Variants in TOR4A observed in about 807,000 individuals in gnomAD.
TOR4A encodes torsin family 4 member A, also known as torsin-4A.
TOR4A carries 12 observed loss-of-function variants against 11.5 expected under a neutral mutation model. That is an observed-to-expected ratio of 1.04 (90% CI 0.67 to 1.69). TOR4A has a LOEUF of 1.69. Ranked by LOEUF, TOR4A falls within the 40% of genes most tolerant of loss-of-function variation. The pLI, the probability that TOR4A is intolerant of heterozygous loss-of-function variation, is 0.00. For missense variants in TOR4A, 640 were observed against 643.2 expected (o/e 0.99, Z 0.05); for synonymous variants, 362 against 307.4 (o/e 1.18, Z -1.86).
chr9:137,279,080 G>C lies in TOR4A; in HGVS notation c.391G>C (p.Gly131Arg). 6.2e-7 allele frequency: 1 copy of C among 1,603,580 alleles called. No individual in the cohort carries two copies. Among genetic ancestry groups the C allele is most frequent in the Non-Finnish European group, 8.5e-7 (1 of 1,175,558 alleles). ...CCTTCTGCTGCTAGTCGCCATCGTG[G>C]GCTTCCAAGTTCTCAACGCTATCGA... The part of the protein sequence containing the change: ...RCLLLLVAIV[G>R]FQVLNAIENL... Residue 131 changes from glycine to arginine, a missense_variant, in exon 2 of 2, where the codon GGC becomes CGC. Physicochemically the swap from Gly to Arg is moderately radical, Grantham distance 125. Coordinates refer to ENST00000357503, the MANE Select transcript of TOR4A (RefSeq NM_017723.3).
chr9:137,279,366 C>A lies in TOR4A; in HGVS notation c.677C>A (p.Ala226Glu), dbSNP rs1830686643. ...EDSALVLQYH[A>E]RHHCPEARAA... The stretch of plus-strand genomic sequence containing the variant: ...AGCGCGCTCGTGCTGCAATACCATG[C>A]GCGGCACCACTGCCCCGAGGCGCGC... The change falls in exon 2 of 2, where the codon GCG (alanine) becomes GAG (glutamate). Residue 226 changes from alanine (A) to glutamate (E), a missense_variant. Physicochemically the swap from Ala to Glu is moderately radical, Grantham distance 107. Transcript: ENST00000357503. 2 of 1,525,608 alleles carry A rather than the reference C, an allele frequency of 1.3e-6. No individual in the cohort carries two copies. Among genetic ancestry groups the A allele is most frequent in the African/African-American group, 1.4e-5 (1 of 72,522 alleles). 94.5% of individuals were successfully genotyped at this position (1,525,608 alleles called of 1,614,324 possible). A position where few individuals can be genotyped will look rare whatever the true frequency, so the allele number is the denominator to read the frequency against.
In TOR4A at chr9:137,278,824, G is replaced by A. The variant is rs1410040732; in HGVS notation, c.135G>A (p.Leu45=). ...GTGTCCTACGCAAACGGCGCCTCCTGCAGCCGGGTGGGGGGCCCGACGTCG... is the reference window on the plus strand; with the variant it reads ...GTGTCCTACGCAAACGGCGCCTCCTACAGCCGGGTGGGGGGCCCGACGTCG... ...RVCVLRKRRL[L]QPGGGPDVGT... The change falls in exon 2 of 2, where the codon CTG becomes CTA. Residue 45 remains leucine, a synonymous_variant. Transcript: ENST00000357503. 8.1e-6 allele frequency: 12 copies of A among 1,487,072 alleles called. No individual in the cohort carries two copies. The highest frequency in any genetic ancestry group is 7.1e-5 in the African/African-American group (5 of 69,950). The allele number at this position is 1,487,072 out of a possible 1,614,324, so 92.1% of individuals were successfully genotyped here. A position where few individuals can be genotyped will look rare whatever the true frequency, so the allele number is the denominator to read the frequency against.
At chr9:137,278,555 C>A in intron 1 of TOR4A, 98 bp from the exon 2 acceptor site, 1 of 888,342 alleles carries the variant, frequency 1.1e-6, no homozygotes, top group Non-Finnish European at 1.5e-6. Flanking sequence ...CCCCACGGGA[C>A]TCCCAGGGGG....
Position 137,281,626 on chromosome 9 carries a change from C to T in TOR4A, c.*1665C>T, listed in dbSNP as rs1347413959. 15 of 156,682 alleles carry T rather than the reference C, an allele frequency of 9.6e-5. No homozygotes were observed. The highest frequency in any genetic ancestry group is 6.6e-5 in the Admixed American group (1 of 15,192). 9.7% of individuals were successfully genotyped at this position (156,682 alleles called of 1,614,324 possible). On this transcript the variant is annotated 3_prime_UTR_variant, in exon 2 of 2. Coordinates refer to ENST00000357503, the MANE Select transcript of TOR4A (RefSeq NM_017723.3). ...CGGCGCGCAGGTCCTGGGCCCAGGG[C>T]GGGAGCGCTAGCGAGAGGGCTGCCC... is the stretch of plus-strand genomic sequence containing the variant.
At position 137,280,260 on chromosome 9, in the gene TOR4A, A is replaced by G. The variant is rs909655983; in HGVS notation, c.*299A>G. 4.1e-6 allele frequency: 2 copies of G among 490,060 alleles called. No homozygotes were observed. Among genetic ancestry groups the G allele is most frequent in the Non-Finnish European group, 7.5e-6 (2 of 265,500 alleles). The allele number at this position is 490,060 out of a possible 1,614,324, so 30.4% of individuals were successfully genotyped here. A position where few individuals can be genotyped will look rare whatever the true frequency, so the allele number is the denominator to read the frequency against. Reference sequence around the variant, plus strand: ...GCCCCAAGAGGTGGGTTCCCATGGTACAAGGATGATCTCAGGGCCAACAAT... The same window carrying G: ...GCCCCAAGAGGTGGGTTCCCATGGTGCAAGGATGATCTCAGGGCCAACAAT... On this transcript the variant is annotated 3_prime_UTR_variant, in exon 2 of 2. Coordinates refer to ENST00000357503, the MANE Select transcript of TOR4A (RefSeq NM_017723.3).
rs1282922170 is a variant in TOR4A, at chr9:137,279,693, A to G, written c.1004A>G (p.Gln335Arg). ...GFRSAEAAAAQAEEDLRASLL... is the reference protein window; with the variant it reads ...GFRSAEAAAARAEEDLRASLL... ...CGCAGTGCCGAGGCCGCAGCGGCGC[A>G]GGCGGAAGAAGACCTGCGCGCCAGC... The change falls in exon 2 of 2, where the codon CAG (glutamine) becomes CGG (arginine). Residue 335 changes from glutamine to arginine, a missense_variant. Gln to Arg is a conservative substitution (Grantham distance 43). Transcript: ENST00000357503. 1.9e-6 allele frequency: 3 copies of G among 1,569,392 alleles called. No individual in the cohort carries two copies. The highest frequency in any genetic ancestry group is 2.6e-6 in the Non-Finnish European group (3 of 1,163,370).
In TOR4A at chr9:137,278,882, C is replaced by T; in HGVS notation, c.193C>T (p.Arg65Trp). 1 of 1,543,448 alleles carries T rather than the reference C, an allele frequency of 6.5e-7. No homozygotes were observed. The change falls in exon 2 of 2, where the codon CGG becomes TGG. Residue 65 changes from arginine to tryptophan, a missense_variant. By Grantham distance (101) the Arg-to-Trp change is moderately radical. Coordinates refer to ENST00000357503, the MANE Select transcript of TOR4A (RefSeq NM_017723.3). Reference sequence around the variant, plus strand: ...GGCGCCCAGGCCGGGCTGCAGCCCCCGGGCACCGCGCGCGGACCTGGACCA... The same window carrying T: ...GGCGCCCAGGCCGGGCTGCAGCCCCTGGGCACCGCGCGCGGACCTGGACCA... ...TGAPRPGCSPRAPRADLDQPK... is the reference protein window; with the variant it reads ...TGAPRPGCSPWAPRADLDQPK...
rs562161645 is a variant in TOR4A, at chr9:137,280,132, G to A, written c.*171G>A. 6.5e-6 allele frequency: 5 copies of A among 766,636 alleles called. No homozygotes were observed. Among genetic ancestry groups the A allele is most frequent in the African/African-American group, 5.3e-5 (3 of 56,768 alleles). 47.5% of individuals were successfully genotyped at this position (766,636 alleles called of 1,614,324 possible). On this transcript the variant is annotated 3_prime_UTR_variant, in exon 2 of 2. Coordinates refer to ENST00000357503, the MANE Select transcript of TOR4A (RefSeq NM_017723.3). Reference sequence around the variant, plus strand: ...CAGGTCCACACCCGCCTCAGAGTCCGGAGTCTGTCCCTGGGGGCGGCAGGA... The same window carrying A: ...CAGGTCCACACCCGCCTCAGAGTCCAGAGTCTGTCCCTGGGGGCGGCAGGA...
At position 137,280,341 on chromosome 9, in the gene TOR4A, G is replaced by T. The variant is rs1830700882; in HGVS notation, c.*380G>T. On this transcript the variant is annotated 3_prime_UTR_variant, in exon 2 of 2. Coordinates refer to ENST00000357503, the MANE Select transcript of TOR4A (RefSeq NM_017723.3). ...CGCCTCTTGGGGGTGGTCGCGTGTT[G>T]CTCAGTGCTGAAGTGGGGTTCTCAT... The T allele has an allele frequency of 3.7e-6, 1 of 270,258 alleles. No individual in the cohort carries two copies. The highest frequency in any genetic ancestry group is 7.5e-6 in the Non-Finnish European group (1 of 133,036). The allele number at this position is 270,258 out of a possible 1,614,324, so 16.7% of individuals were successfully genotyped here.
At position 137,278,942 on chromosome 9, in the gene TOR4A, C is replaced by T. The variant is rs765081131; in HGVS notation, c.253C>T (p.Leu85=). ...CTTCACCTTCGACAGCCCCGCGGAG[C>T]TACCCTCCAGGACGCCACGCAAGAA... is the stretch of plus-strand genomic sequence containing the variant. ...KFFTFDSPAE[L]PSRTPRKKRR... is the part of the protein sequence containing the mutation. Residue 85 remains leucine (L), a synonymous_variant, in exon 2 of 2, where the codon CTA becomes TTA. Transcript: ENST00000357503. 17 of 1,600,582 alleles carry T rather than the reference C, an allele frequency of 1.1e-5. No individual in the cohort carries two copies. The highest frequency in any genetic ancestry group is 1.6e-4 in the Middle Eastern group (1 of 6,074).
In TOR4A at chr9:137,278,156, G is replaced by A. The variant is rs990667963; in HGVS notation, c.-38+249G>A. Among the ~76,000 whole-genome samples the A allele has an allele frequency of 7.2e-5, 11 of 152,326 alleles. No homozygotes were observed. The South Asian group carries it at 1.9e-3, about 26-fold the overall frequency. Reference sequence around the variant, plus strand: ...TTCTCAAAATCATAAGTTCCAGCCAGACCCCCGCCAAGTGTTCTGGAGCGT... The same window carrying A: ...TTCTCAAAATCATAAGTTCCAGCCAAACCCCCGCCAAGTGTTCTGGAGCGT... On this transcript the variant is annotated intron_variant, in intron 1 of 1. Coordinates refer to ENST00000357503, the MANE Select transcript of TOR4A (RefSeq NM_017723.3).
Position 137,279,355 on chromosome 9 carries a change from G to A in TOR4A, c.666G>A (p.Leu222=), listed in dbSNP as rs1195617633. 1.3e-5 allele frequency: 20 copies of A among 1,529,650 alleles called. No homozygotes were observed. The highest frequency in any genetic ancestry group is 1.8e-5 in the Non-Finnish European group (20 of 1,141,668). The allele number at this position is 1,529,650 out of a possible 1,614,324, so 94.8% of individuals were successfully genotyped here. The part of the protein sequence containing the change: ...RSVLEDSALV[L]QYHARHHCPE... ...TGCTGGAGGACAGCGCGCTCGTGCTGCAATACCATGCGCGGCACCACTGCC... is the reference window on the plus strand; with the variant it reads ...TGCTGGAGGACAGCGCGCTCGTGCTACAATACCATGCGCGGCACCACTGCC... The change falls in exon 2 of 2, where the codon CTG becomes CTA. Residue 222 remains leucine (L), a synonymous_variant. Coordinates refer to ENST00000357503, the MANE Select transcript of TOR4A (RefSeq NM_017723.3).
rs376584153 is a variant in TOR4A at position 137,282,621 on chromosome 9, A to C, written c.*2660A>C. The C allele has an allele frequency of 1.7e-4, 29 of 167,192 alleles. 1 individual carries two copies. The highest frequency in any genetic ancestry group is 7.0e-4 in the African/African-American group (29 of 41,572). 10.4% of individuals were successfully genotyped at this position (167,192 alleles called of 1,614,324 possible). A position where few individuals can be genotyped will look rare whatever the true frequency, so the allele number is the denominator to read the frequency against. On this transcript the variant is annotated 3_prime_UTR_variant, in exon 2 of 2. Transcript: ENST00000357503. Reference sequence around the variant, plus strand: ...AGGCCACAAATCATGCTTGTTAATAAATTGTGTGGTTCAAATCTGACGACC... The same window carrying C: ...AGGCCACAAATCATGCTTGTTAATACATTGTGTGGTTCAAATCTGACGACC...
rs1448225799 is a variant in TOR4A, at chr9:137,282,452, C to G, written c.*2491C>G. 6.1e-6 allele frequency: 1 copy of G among 164,796 alleles called. No individual in the cohort carries two copies. The highest frequency in any genetic ancestry group is 2.4e-5 in the African/African-American group (1 of 41,418). The allele number at this position is 164,796 out of a possible 1,614,324, so 10.2% of individuals were successfully genotyped here. A position where few individuals can be genotyped will look rare whatever the true frequency, so the allele number is the denominator to read the frequency against. ...TCCTGACCTCGTGATCCGCCCACCT[C>G]GGCCTCCCAAAGTGCTGGGATTACA... is the stretch of plus-strand genomic sequence containing the variant. On this transcript the variant is annotated 3_prime_UTR_variant, in exon 2 of 2. Coordinates refer to ENST00000357503, the MANE Select transcript of TOR4A (RefSeq NM_017723.3).
In TOR4A at chr9:137,278,842, C is replaced by G; in HGVS notation, c.153C>G (p.Pro51=). The change falls in exon 2 of 2, where the codon CCC becomes CCG. Residue 51 remains proline (P), a synonymous_variant. Transcript: ENST00000357503. ...GCCTCCTGCAGCCGGGTGGGGGGCCCGACGTCGGGACCGGGGCGCCCAGGC... is the reference window on the plus strand; with the variant it reads ...GCCTCCTGCAGCCGGGTGGGGGGCCGGACGTCGGGACCGGGGCGCCCAGGC... ...KRRLLQPGGG[P]DVGTGAPRPG... 1 of 1,501,514 alleles carries G rather than the reference C, an allele frequency of 6.7e-7. No homozygotes were observed. Among genetic ancestry groups the G allele is most frequent in the Non-Finnish European group, 8.8e-7 (1 of 1,134,468 alleles). 93.0% of individuals were successfully genotyped at this position (1,501,514 alleles called of 1,614,324 possible).
At chr9:137,278,115 A>AC (rs1487070242) in intron 1 of TOR4A, among the ~76,000 whole-genome samples, 2 of 152,054 alleles carry the variant, frequency 1.3e-5, no homozygotes, top group African/African-American at 4.8e-5. Flanking sequence ...GAGCCTGGGG[A>AC]CGGGGCCCGG....
In TOR4A at chr9:137,278,697, G is replaced by C. The variant is rs758093663; in HGVS notation, c.8G>C (p.Arg3Pro). The change falls in exon 2 of 2, where the codon CGC (arginine) becomes CCC (proline). Residue 3 changes from arginine (R) to proline (P), a missense_variant. Transcript: ENST00000357503. ...GAGCGCCGTTCCTGCGACATGGACC[G>C]CGGCCAGCCCAGCCTGGAGCCTGCT... is the stretch of plus-strand genomic sequence containing the variant. MDRGQPSLEPAAA... is the reference protein window; with the variant it reads MDPGQPSLEPAAA... 64 of 1,346,176 alleles carry C rather than the reference G, an allele frequency of 4.8e-5. No homozygotes were observed. Among genetic ancestry groups the C allele is most frequent in the Non-Finnish European group, 5.4e-5 (57 of 1,053,144 alleles). 83.4% of individuals were successfully genotyped at this position (1,346,176 alleles called of 1,614,324 possible).
rs1275238070 is a variant in TOR4A, at chr9:137,280,268, G to A, written c.*307G>A. The A allele has an allele frequency of 2.2e-6, 1 of 464,534 alleles. No homozygotes were observed. Among genetic ancestry groups the A allele is most frequent in the Admixed American group, 3.7e-5 (1 of 27,020 alleles). The allele number at this position is 464,534 out of a possible 1,614,324, so 28.8% of individuals were successfully genotyped here. A position where few individuals can be genotyped will look rare whatever the true frequency, so the allele number is the denominator to read the frequency against. Reference sequence around the variant, plus strand: ...AGGTGGGTTCCCATGGTACAAGGATGATCTCAGGGCCAACAATTCCCGGGG... The same window carrying A: ...AGGTGGGTTCCCATGGTACAAGGATAATCTCAGGGCCAACAATTCCCGGGG... On this transcript the variant is annotated 3_prime_UTR_variant, in exon 2 of 2. Transcript: ENST00000357503.
At position 137,278,746 on chromosome 9, in the gene TOR4A, C is replaced by A; in HGVS notation, c.57C>A (p.Gly19=). The change falls in exon 2 of 2, where the codon GGC becomes GGA. Residue 19 remains glycine, a synonymous_variant. Transcript: ENST00000357503. ...EPAAAAPRAS[G]RCVIAPVRAV... is the part of the protein sequence containing the mutation. The stretch of plus-strand genomic sequence containing the variant: ...CTGCCGCGGCCCCCCGAGCCTCGGG[C>A]CGGTGCGTGATCGCGCCCGTGCGCG... 5.7e-6 allele frequency: 8 copies of A among 1,394,010 alleles called. No individual in the cohort carries two copies. The highest frequency in any genetic ancestry group is 6.5e-6 in the Non-Finnish European group (7 of 1,081,126). 86.4% of individuals were successfully genotyped at this position (1,394,010 alleles called of 1,614,324 possible). A position where few individuals can be genotyped will look rare whatever the true frequency, so the allele number is the denominator to read the frequency against.
Sources: allele counts gnomAD v4.1 joint callset (sites outside exome capture counted in the v4.1 genomes callset), GRCh38; gene constraint gnomAD v4.1.1; transcripts MANE v1.5; gene names NCBI Gene and HGNC (gene_info 2026-07-23, HGNC 2026-07-21).